Variants in SND1 observed in about 807,000 individuals in gnomAD.
SND1 encodes the protein staphylococcal nuclease and tudor domain containing 1.
A neutral mutation model predicts 121.7 loss-of-function variants in SND1; 38 were observed. The observed-to-expected ratio is 0.31, with a 90% CI of 0.24 to 0.41. SND1 has a LOEUF of 0.41. SND1 is among the 10% of genes least tolerant of loss of function. SND1 has a pLI of 1.00. For synonymous variants in SND1, 401 were observed against 447.4 expected, an observed-to-expected ratio of 0.90 and a Z score of 1.31; for missense variants, 868 against 1,184.6, an observed-to-expected ratio of 0.73 and a Z score of 3.92.
intron 16 of SND1, among the ~76,000 whole-genome samples, chr7:128,071,897 T>C (rs1190277142): frequency 6.6e-6 from 1 of 152,222 alleles, no homozygotes; most frequent in Admixed American, 6.5e-5. Context: ...CAGAGATTTC[T>C]TTCATCTGCG....
chr7:127,887,478 T>G (rs1799933509), intron 12 of SND1, among the ~76,000 whole-genome samples: 1 of 152,130 alleles, frequency 6.6e-6, no homozygotes, highest in South Asian at 2.1e-4. Context: ...ATTTTCTGGT[T>G]GTTCTGTCGG....
intron 15 of SND1, among the ~76,000 whole-genome samples, chr7:127,940,885 C>A (rs1801182578): frequency 6.6e-6 from 1 of 152,222 alleles, no homozygotes; most frequent in Non-Finnish European, 1.5e-5. Context: ...TCCTGCTGGC[C>A]TTGAGGAGGC....
intron 1 of SND1, among the ~76,000 whole-genome samples, chr7:127,656,116 G>A (rs1035289577): frequency 2.6e-5 from 4 of 152,038 alleles, no homozygotes; most frequent in African/African-American, 9.7e-5. Flanking sequence ...CAAAGCAAAG[G>A]GACACAAGGG....
chr7:128,077,312 T>G (rs1376863421), intron 17 of SND1, among the ~76,000 whole-genome samples: 1 of 152,184 alleles, frequency 6.6e-6, no homozygotes, highest in African/African-American at 2.4e-5. Flanking sequence ...GAGGAGGAAA[T>G]GCAGGGAAGA....
intron 16 of SND1, among the ~76,000 whole-genome samples, chr7:128,065,774 C>T (rs1049140736): frequency 1.3e-5 from 2 of 152,218 alleles, no homozygotes; most frequent in Non-Finnish European, 2.9e-5. Flanking sequence ...GAATGGAAGG[C>T]AGCCTTCTCT....
chr7:127,877,802 T>C (rs2116711399), intron 12 of SND1, among the ~76,000 whole-genome samples: 1 of 152,060 alleles, frequency 6.6e-6, no homozygotes, highest in East Asian at 1.9e-4. Flanking sequence ...AAGGGAGCTA[T>C]TGGTACTCAG....
intron 11 of SND1, among the ~76,000 whole-genome samples, chr7:127,821,664 A>G (rs1798551935): frequency 6.6e-6 from 1 of 152,038 alleles, no homozygotes; most frequent in South Asian, 2.1e-4. Context: ...TTTTTGTTTT[A>G]TGTAACATAA....
chr7:128,047,478 T>G (rs1019845647), intron 16 of SND1, among the ~76,000 whole-genome samples: 5 of 152,274 alleles, frequency 3.3e-5, no homozygotes, highest in African/African-American at 9.6e-5. Context: ...AAATCTCTTT[T>G]TTAAAGGAAG....
At chr7:127,942,604 A>G (rs1268810561) in intron 15 of SND1, among the ~76,000 whole-genome samples, 1 of 152,082 alleles carries the variant, frequency 6.6e-6, no homozygotes, top group East Asian at 1.9e-4. Flanking sequence ...TGTGAGCTCT[A>G]ATTTTGGTTC....
At chr7:128,028,561 C>T in intron 16 of SND1, 17 of 889,604 alleles carry the variant, frequency 1.9e-5, no homozygotes, top group South Asian at 1.3e-4. Context: ...TTTTTTTAAC[C>T]AGCCCATAGA....
chr7:127,725,140 C>T (rs1187604820), intron 10 of SND1, among the ~76,000 whole-genome samples: 2 of 152,120 alleles, frequency 1.3e-5, no homozygotes, highest in African/African-American at 4.8e-5. Context: ...ACCTGGGCAT[C>T]CTAGTGTGAC....
At chr7:127,904,531 A>G in intron 13 of SND1, 1 of 383,290 alleles carries the variant, frequency 2.6e-6, no homozygotes. Context: ...CTGGCAGCCA[A>G]GTGCTGGTAA....
At chr7:127,948,214 C>A (rs181983169) in intron 15 of SND1, among the ~76,000 whole-genome samples, 1 of 152,144 alleles carries the variant, frequency 6.6e-6, no homozygotes, top group African/African-American at 2.4e-5. Flanking sequence ...GGTATCTGCC[C>A]CCACTTCTCT....
intron 10 of SND1, among the ~76,000 whole-genome samples, chr7:127,797,200 C>T (rs554569799): frequency 2.6e-5 from 4 of 152,164 alleles, no homozygotes; most frequent in African/African-American, 4.8e-5. Context: ...GGCTATTTTG[C>T]TGATTCTTAA....
intron 10 of SND1, among the ~76,000 whole-genome samples, chr7:127,776,106 G>A (rs1302720444): frequency 6.6e-6 from 1 of 152,170 alleles, no homozygotes; most frequent in African/African-American, 2.4e-5. Flanking sequence ...AGTTTTTGAA[G>A]TTCAGTAGGC....
intron 14 of SND1, among the ~76,000 whole-genome samples, chr7:127,919,476 A>T (rs890172262): frequency 1.3e-5 from 2 of 152,224 alleles, no homozygotes; most frequent in African/African-American, 4.8e-5. Flanking sequence ...CCTCTTGCCT[A>T]TAGAGACTTT....
intron 17 of SND1, among the ~76,000 whole-genome samples, chr7:128,080,653 G>A (rs902170491): frequency 2.0e-5 from 3 of 152,138 alleles, no homozygotes; most frequent in African/African-American, 7.2e-5. Flanking sequence ...GCGGGTGTGA[G>A]GAGCCCAGAG....
chr7:128,042,215 A>G (rs1243558954), intron 16 of SND1: 4 of 152,216 alleles, frequency 2.6e-5, no homozygotes, highest in Admixed American at 1.3e-4. Context: ...GTGAGTGAGC[A>G]GTGTCTGAGA....
intron 15 of SND1, among the ~76,000 whole-genome samples, chr7:127,966,220 A>T (rs2116878085): frequency 6.6e-6 from 1 of 152,048 alleles, no homozygotes; most frequent in South Asian, 2.1e-4. Context: ...TGAGTGACCT[A>T]CAAAGAGCCT....
Sources: gnomAD v4.1 joint callset for allele counts (sites outside exome capture counted in the v4.1 genomes callset) on GRCh38, gnomAD v4.1.1 for gene constraint, MANE v1.5 for transcripts, NCBI Gene and HGNC (gene_info 2026-07-23, HGNC 2026-07-21) for gene names.